Variants in PCDHGA3 observed in about 807,000 individuals in gnomAD.
The protein encoded by PCDHGA3 is protocadherin gamma-A3.
Under a neutral mutation model 58.5 loss-of-function variants are expected in PCDHGA3, and 40 were observed. The observed-to-expected ratio is 0.68, with a 90% confidence interval of 0.53 to 0.89. PCDHGA3 has a LOEUF of 0.89. Ranked by LOEUF, PCDHGA3 falls within the 40% of genes least tolerant of loss-of-function variation. PCDHGA3 has a pLI of 0.00. For missense variants in PCDHGA3, 1,223 were observed against 1,195.9 expected, an observed-to-expected ratio of 1.02 and a Z score of -0.33; for synonymous variants, 530 against 525.7, an observed-to-expected ratio of 1.01 and a Z score of -0.11.
At chr5:141,444,752 T>C (rs1376810825) in intron 1 of PCDHGA3, among the ~76,000 whole-genome samples, 2 of 152,228 alleles carry the variant, frequency 1.3e-5, no homozygotes, top group Non-Finnish European at 2.9e-5. Context: ...CTGATATATG[T>C]AGTTCTATTT....
In PCDHGA3 at chr5:141,487,241, A is replaced by G. The variant is rs753291480; in HGVS notation, c.2425-7566A>G. ...TCCAAGGGAAGGAGAATCTCGTCTA[A>G]CCCTCTACTTGGCTGTGTCCCTAGT... On this transcript the variant is annotated intron_variant, in intron 1 of 3. Transcript: ENST00000253812. The surrounding 1 kb of genome is among the most constrained non-coding windows in gnomAD (Gnocchi z 5.0). 2 of 1,613,876 alleles carry G rather than the reference A, an allele frequency of 1.2e-6. No homozygotes were observed. The highest frequency in any genetic ancestry group is 3.3e-5 in the Admixed American group (2 of 59,988).
intron 1 of PCDHGA3, chr5:141,350,619 T>C (rs1288152150): frequency 1.2e-6 from 2 of 1,614,022 alleles, no homozygotes; most frequent in Admixed American, 3.3e-5. Flanking sequence ...GTTGTTGTAA[T>C]CCAAGATATT....
At chr5:141,357,454 A>T in intron 1 of PCDHGA3, 1 of 1,614,090 alleles carries the variant, frequency 6.2e-7, no homozygotes, top group Non-Finnish European at 8.5e-7. Context: ...TTTCCTGCAG[A>T]CCTATTCCCA....
At chr5:141,388,390 A>C (rs202036029) in intron 1 of PCDHGA3, 182 of 1,613,912 alleles carry the variant, frequency 1.1e-4, no homozygotes, top group Non-Finnish European at 1.4e-4. Context: ...ACACTGCAGA[A>C]TTACCAACTC....
At chr5:141,397,225 T>C (rs2093492124) in intron 1 of PCDHGA3, among the ~76,000 whole-genome samples, 1 of 151,338 alleles carries the variant, frequency 6.6e-6, no homozygotes, top group Non-Finnish European at 1.5e-5. Context: ...TTTTGAGATA[T>C]GAAGAAGAGC....
chr5:141,414,724 G>A (rs1461729604), intron 1 of PCDHGA3: 48 of 1,614,138 alleles, frequency 3.0e-5, no homozygotes, highest in Non-Finnish European at 3.9e-5. Context: ...AGACACTGGC[G>A]TCCTGTATGC....
Position 141,375,615 on chromosome 5 carries a change from C to G in PCDHGA3, c.2424+29158C>G, listed in dbSNP as rs778578584. Reference sequence around the variant, plus strand: ...TCCTACGTGTCCATCAACTCCGACACTGGGATTCTGTACGCCCTGCGCTCC... The same window carrying G: ...TCCTACGTGTCCATCAACTCCGACAGTGGGATTCTGTACGCCCTGCGCTCC... On this transcript the variant is annotated intron_variant, in intron 1 of 3. Coordinates refer to ENST00000253812, the MANE Select transcript of PCDHGA3 (RefSeq NM_018916.4). The G allele has an allele frequency of 6.8e-6, 11 of 1,614,124 alleles. No homozygotes were observed. In the South Asian group the frequency reaches 1.2e-4, roughly 18 times the overall value.
intron 1 of PCDHGA3, chr5:141,478,798 T>G: frequency 6.8e-7 from 1 of 1,463,780 alleles, no homozygotes. Flanking sequence ...TCCTCAGCAC[T>G]CTTTTGCTAT....
At chr5:141,415,754 T>TTTG (rs2095935149) in intron 1 of PCDHGA3, 3 of 1,385,710 alleles carry the variant, frequency 2.2e-6, no homozygotes, top group African/African-American at 1.5e-5. Context: ...TTTTTTTTTT[T>TTTG]TTTTTTTTTT....
intron 1 of PCDHGA3, chr5:141,405,058 T>C (rs1174407561): frequency 1.2e-6 from 2 of 1,613,912 alleles, no homozygotes; most frequent in East Asian, 2.2e-5. Flanking sequence ...TCGTCTCCTG[T>C]GTCTTCCTCA....
At chr5:141,449,198 A>C (rs2098631518) in intron 1 of PCDHGA3, among the ~76,000 whole-genome samples, 1 of 152,188 alleles carries the variant, frequency 6.6e-6, no homozygotes, top group Non-Finnish European at 1.5e-5. Context: ...AAGAAGTGTT[A>C]ATTCTAACTT....
chr5:141,415,161 C>T (rs1391561235), intron 1 of PCDHGA3: 1 of 1,613,864 alleles, frequency 6.2e-7, no homozygotes, highest in Admixed American at 1.7e-5. Context: ...CCGCCACTGT[C>T]ACGCTCACCG....
intron 1 of PCDHGA3, chr5:141,417,977 G>T (rs752463782): frequency 1.2e-6 from 2 of 1,613,872 alleles, no homozygotes; most frequent in South Asian, 2.2e-5. Context: ...GATTCCGGAG[G>T]AGCTGGCCAA....
chr5:141,383,790 T>C, intron 1 of PCDHGA3: 1 of 1,614,006 alleles, frequency 6.2e-7, no homozygotes. Context: ...TGAACTCGCT[T>C]ACAGGAGAAA....
In PCDHGA3 at chr5:141,346,241, C is replaced by G. The variant is rs771215185; in HGVS notation, c.2208C>G (p.Pro736=). 2 of 1,614,198 alleles carry G rather than the reference C, an allele frequency of 1.2e-6. No homozygotes were observed. Among genetic ancestry groups the G allele is most frequent in the African/African-American group, 1.3e-5 (1 of 75,056 alleles). ...CGGGAGGCGGCTTGGCGAGTACGCC[C>G]GGCTCGCACTTTGTGGGCGCGGACG... ...QASGGGLAST[P]GSHFVGADGV... Residue 736 remains proline, a synonymous_variant, in exon 1 of 4, where the codon CCC becomes CCG. Coordinates refer to ENST00000253812, the MANE Select transcript of PCDHGA3 (RefSeq NM_018916.4).
At chr5:141,366,410 G>C in intron 1 of PCDHGA3, 1 of 1,614,204 alleles carries the variant, frequency 6.2e-7, no homozygotes, top group South Asian at 1.1e-5. Context: ...ACTCTATCTT[G>C]TGGTGGCAGT....
chr5:141,444,240 C>A (rs1017550385), intron 1 of PCDHGA3, among the ~76,000 whole-genome samples: 1 of 128,688 alleles, frequency 7.8e-6, no homozygotes, highest in Admixed American at 9.7e-5. Flanking sequence ...GGCATGCTCT[C>A]GGCTCACTGC....
intron 1 of PCDHGA3, chr5:141,478,272 A>G: frequency 6.2e-7 from 1 of 1,614,160 alleles, no homozygotes; most frequent in Non-Finnish European, 8.5e-7. Context: ...AAAGTTTACA[A>G]GTGGAAGCAG....
At chr5:141,381,261 C>G (rs1221626643) in intron 1 of PCDHGA3, among the ~76,000 whole-genome samples, 2 of 152,248 alleles carry the variant, frequency 1.3e-5, no homozygotes, top group Non-Finnish European at 2.9e-5. Flanking sequence ...AATTTACAAA[C>G]CAAGACTGTT....
Sources: gnomAD v4.1 joint callset for allele counts (sites outside exome capture counted in the v4.1 genomes callset) on GRCh38, gnomAD v4.1.1 for gene constraint, Gnocchi (gnomAD v3.1) non-coding constraint, MANE v1.5 for transcripts, NCBI Gene and HGNC (gene_info 2026-07-23, HGNC 2026-07-21) for gene names.